Variants in MOXD1 observed in about 807,000 individuals in gnomAD.
MOXD1 encodes the protein DBH-like monooxygenase protein 1.
Under a neutral mutation model 66.6 loss-of-function variants are expected in MOXD1, and 62 were observed. The ratio of observed to expected loss-of-function variants is 0.93; its 90% confidence interval spans 0.76 to 1.15. The LOEUF (loss-of-function observed/expected upper bound fraction) is 1.15. Ranked by LOEUF, MOXD1 falls within the 50% of genes most tolerant of loss-of-function variation. MOXD1 has a pLI of 0.00. For synonymous variants in MOXD1, 303 were observed against 281.9 expected (o/e 1.07, Z -0.75); for missense variants, 847 against 754.6 (o/e 1.12, Z -1.44).
intron 4 of MOXD1, among the ~76,000 whole-genome samples, chr6:132,359,617 G>T (rs1437373191): frequency 6.6e-6 from 1 of 151,568 alleles, no homozygotes; most frequent in Non-Finnish European, 1.5e-5. Flanking sequence ...CTCCCGAGTA[G>T]CTGGGACTAC....
intron 7 of MOXD1, 86 bp downstream of exon 7, chr6:132,323,845 T>C (rs758053675): frequency 1.7e-5 from 24 of 1,371,824 alleles, no homozygotes; most frequent in Non-Finnish European, 2.2e-5. Flanking sequence ...GAATCGATAA[T>C]AAACATGTGC....
At chr6:132,311,512 C>T (rs1774830033) in intron 10 of MOXD1, among the ~76,000 whole-genome samples, 1 of 151,648 alleles carries the variant, frequency 6.6e-6, no homozygotes, top group Non-Finnish European at 1.5e-5. Context: ...AAAATTGAAA[C>T]ATACAGTGAA....
chr6:132,358,566 A>T (rs1775952174), intron 4 of MOXD1, among the ~76,000 whole-genome samples: 1 of 152,242 alleles, frequency 6.6e-6, no homozygotes. Flanking sequence ...TAATCTTGAG[A>T]AGATATGAAT....
At chr6:132,397,704 G>C (rs1191537261) in intron 1 of MOXD1, among the ~76,000 whole-genome samples, 2 of 143,862 alleles carry the variant, frequency 1.4e-5, no homozygotes, top group Non-Finnish European at 3.1e-5. Context: ...GAAAGAAAAA[G>C]AAAGAGTAAA....
Position 132,297,824 on chromosome 6 carries a change from T to G in MOXD1, c.1640A>C (p.Asn547Thr). 1 of 1,612,754 alleles carries G rather than the reference T, an allele frequency of 6.2e-7. No individual in the cohort carries two copies. Among genetic ancestry groups the G allele is most frequent in the Middle Eastern group, 1.7e-4 (1 of 6,046 alleles). ...ATTGTCTGTCTTGGAACATCTCACA[T>G]TCACTGGCAGGCTGAGGACCAGCTT... ...FNKLVLSLPV[N>T]VRCSKTDNAE... The change falls in exon 11 of 12, where the codon AAT (asparagine) becomes ACT (threonine). Residue 547 changes from asparagine to threonine, a missense_variant. Physicochemically the swap from Asn to Thr is moderately conservative, Grantham distance 65. Coordinates refer to ENST00000367963, the MANE Select transcript of MOXD1 (RefSeq NM_015529.4).
chr6:132,363,797 G>T (rs940671058), intron 4 of MOXD1, among the ~76,000 whole-genome samples: 3 of 152,140 alleles, frequency 2.0e-5, no homozygotes, highest in African/African-American at 7.2e-5. Flanking sequence ...TTCCTTGCAT[G>T]TAAGTAAAAG....
intron 10 of MOXD1, among the ~76,000 whole-genome samples, chr6:132,315,159 T>C (rs943270455): frequency 3.4e-4 from 52 of 152,220 alleles, no homozygotes; most frequent in African/African-American, 1.2e-3. Context: ...ACCACCTATA[T>C]GACTAGTTCC....
intron 4 of MOXD1, among the ~76,000 whole-genome samples, chr6:132,360,307 G>T (rs1478301798): frequency 6.6e-6 from 1 of 152,110 alleles, no homozygotes; most frequent in Non-Finnish European, 1.5e-5. Flanking sequence ...ACCTTTCTGG[G>T]CGTCAGTTTC....
chr6:132,399,519 G>T (rs1164193087), intron 1 of MOXD1, among the ~76,000 whole-genome samples: 1 of 152,202 alleles, frequency 6.6e-6, no homozygotes, highest in Non-Finnish European at 1.5e-5. Context: ...AAACACTGTA[G>T]TTTAACCAAG....
intron 4 of MOXD1, among the ~76,000 whole-genome samples, chr6:132,346,836 T>G (rs1379179998): frequency 6.6e-6 from 1 of 152,148 alleles, no homozygotes; most frequent in Non-Finnish European, 1.5e-5. Flanking sequence ...ACAAAATAAA[T>G]TTTTTGAACA....
intron 1 of MOXD1, chr6:132,392,204 C>T (rs746126253): frequency 1.3e-6 from 2 of 1,591,892 alleles, no homozygotes; most frequent in Admixed American, 1.7e-5. Flanking sequence ...CAAATCAGTT[C>T]CAAGCACTTC....
At chr6:132,372,187 CTG>C (rs1776274957) in intron 4 of MOXD1, among the ~76,000 whole-genome samples, 1 of 152,120 alleles carries the variant, frequency 6.6e-6, no homozygotes, top group South Asian at 2.1e-4. Flanking sequence ...ATTATTATAA[CTG>C]TTTTTTTATG....
intron 5 of MOXD1, 89 bp downstream of exon 5, chr6:132,328,326 C>T: frequency 6.6e-7 from 1 of 1,506,036 alleles, no homozygotes; most frequent in South Asian, 1.3e-5. Context: ...AGCGTTAAAG[C>T]TTTACTTCTA....
chr6:132,332,268 C>A (rs1446050714), intron 4 of MOXD1, among the ~76,000 whole-genome samples: 9 of 151,944 alleles, frequency 5.9e-5, no homozygotes, highest in Non-Finnish European at 1.0e-4. Flanking sequence ...AAACACCAAC[C>A]CATAAAACAA....
chr6:132,302,479 T>TA (rs5880120), intron 10 of MOXD1, among the ~76,000 whole-genome samples: 76,957 of 151,694 alleles, frequency 0.51, 23,176 homozygotes, highest in African/African-American at 0.84. Context: ...AACTAAAACT[T>TA]AAAAAAACAT....
Position 132,375,605 on chromosome 6 carries a change from A to G in MOXD1, c.265-828T>C, listed in dbSNP as rs1030283918. Among the ~76,000 whole-genome samples the G allele has an allele frequency of 3.9e-5, 6 of 152,074 alleles. No homozygotes were observed. The South Asian group carries it at 8.3e-4, about 21-fold the overall frequency. On this transcript the variant is annotated intron_variant, in intron 1 of 11. Coordinates refer to ENST00000367963, the MANE Select transcript of MOXD1 (RefSeq NM_015529.4). ...CACGCCTGGCTAATGCATTTTTAGTAGAGATGGGGTTTCACCATGTTAGCC... is the reference window on the plus strand; with the variant it reads ...CACGCCTGGCTAATGCATTTTTAGTGGAGATGGGGTTTCACCATGTTAGCC...
rs533635868 is a variant in MOXD1, at chr6:132,303,864, TATATATATATATATAC to T, written c.1509-5925_1509-5910del. 1.0e-3 allele frequency among the ~76,000 whole-genome samples: 59 copies of T among 57,460 alleles called. 2 individuals are homozygous for T. Among genetic ancestry groups the T allele is most frequent in the African/African-American group, 9.5e-3 (52 of 5,472 alleles). 37.7% of individuals were successfully genotyped at this position (57,460 alleles called of 152,430 possible). On this transcript the variant is annotated intron_variant, in intron 10 of 11. Transcript: ENST00000367963. ...ATATATATATATATATATATATATA[TATATATATATATATAC>T]ATATATACATAAAACCTTAGGACAA...
intron 1 of MOXD1, among the ~76,000 whole-genome samples, chr6:132,384,892 CTG>C (rs1002831469): frequency 5.3e-5 from 8 of 152,154 alleles, no homozygotes; most frequent in African/African-American, 1.9e-4. Context: ...ATCTGTATCT[CTG>C]TATTTCTGTG....
At chr6:132,314,786 T>G (rs1774905484) in intron 10 of MOXD1, among the ~76,000 whole-genome samples, 1 of 152,176 alleles carries the variant, frequency 6.6e-6, no homozygotes, top group African/African-American at 2.4e-5. Context: ...TAACATCTAT[T>G]ACTATTTAAA....
Sources: gnomAD v4.1 joint callset for allele counts (sites outside exome capture counted in the v4.1 genomes callset) on GRCh38, gnomAD v4.1.1 for gene constraint, MANE v1.5 for transcripts, NCBI Gene and HGNC (gene_info 2026-07-23, HGNC 2026-07-21) for gene names.